Variants in SHCBP1 observed in about 807,000 individuals in gnomAD.
The protein encoded by SHCBP1 is SHC SH2 domain-binding protein 1.
Under a neutral mutation model 75.1 loss-of-function variants are expected in SHCBP1, and 60 were observed. The observed-to-expected ratio is 0.80, with a 90% CI of 0.65 to 0.99. SHCBP1 has a LOEUF of 0.99. SHCBP1 is among the 50% of genes least tolerant of loss of function. The pLI is 0.00. For missense variants in SHCBP1, 709 were observed against 809.4 expected, an observed-to-expected ratio of 0.88 and a Z score of 1.50; for synonymous variants, 290 against 293.2, an observed-to-expected ratio of 0.99 and a Z score of 0.11.
intron 10 of SHCBP1, among the ~76,000 whole-genome samples, chr16:46,594,997 A>T (rs1330408383): frequency 2.0e-5 from 3 of 152,244 alleles, no homozygotes; most frequent in Non-Finnish European, 4.4e-5. Context: ...CCAAAGAGCC[A>T]CATACTGTGT....
intron 5 of SHCBP1, among the ~76,000 whole-genome samples, chr16:46,607,708 G>T (rs1424925816): frequency 6.6e-6 from 1 of 152,092 alleles, no homozygotes; most frequent in Non-Finnish European, 1.5e-5. Context: ...AAAATTACTG[G>T]TCTTAAAGCA....
In SHCBP1 at chr16:46,599,890, G is replaced by A. The variant is rs771471109; in HGVS notation, c.1286C>T (p.Ala429Val). ...TTTTATGCCTGAGATTTTAATATCA[G>A]CACCAGTGCAGTCCACAAAAGTGTC... ...KGDTFVDCTG[A>V]DIKISGIKFV... Residue 429 changes from alanine (A) to valine (V), a missense_variant, in exon 9 of 13, where the codon GCT (alanine) becomes GTT (valine). By Grantham distance (64) the Ala-to-Val change is moderately conservative. Coordinates refer to ENST00000303383, the MANE Select transcript of SHCBP1 (RefSeq NM_024745.5). 1.9e-6 allele frequency: 3 copies of A among 1,613,044 alleles called. No homozygotes were observed. Among genetic ancestry groups the A allele is most frequent in the South Asian group, 2.2e-5 (2 of 90,858 alleles).
chr16:46,616,098 G>A lies in SHCBP1; in HGVS notation c.444C>T (p.Tyr148=), dbSNP rs753553515. 1.1e-5 allele frequency: 18 copies of A among 1,614,074 alleles called. No individual in the cohort carries two copies. In the East Asian group the frequency reaches 3.8e-4, roughly 34 times the overall value. ...AAGTGCTCACTTGAGAGTCACAGAG[G>A]TATGGTTCAGCAAGCCTCACCACTG... ...LKAVVRLAEP[Y]LCDSQVSTFT... The change falls in exon 4 of 13, where the codon TAC becomes TAT. Residue 148 remains tyrosine, a synonymous_variant. Transcript: ENST00000303383. This position sits in a 1 kb window ranked among gnomAD's most constrained non-coding sequence, Gnocchi z 4.4.
At position 46,599,823 on chromosome 16, in the gene SHCBP1, ATACT is replaced by A. The variant is rs776821022; in HGVS notation, c.1345+4_1345+7del. 7 of 1,596,046 alleles carry A rather than the reference ATACT, an allele frequency of 4.4e-6. No homozygotes were observed. The highest frequency in any genetic ancestry group is 6.0e-6 in the Non-Finnish European group (7 of 1,173,770). On this transcript the variant is annotated splice_donor_5th_base_variant and intron_variant, in intron 9 of 12. Coordinates refer to ENST00000303383, the MANE Select transcript of SHCBP1 (RefSeq NM_024745.5). ...AACAAATGATATACCAAACATTCAG[ATACT>A]TACTTAAGATTCCCTCTACAGCATC...
At chr16:46,603,429 A>T in intron 8 of SHCBP1, 110 bp downstream of exon 8, 2 of 1,486,996 alleles carry the variant, frequency 1.3e-6, no homozygotes, top group Non-Finnish European at 1.8e-6. Context: ...AGCTCACTAG[A>T]AATCAAATGG....
chr16:46,609,608 C>T (rs895974078), intron 4 of SHCBP1, among the ~76,000 whole-genome samples: 1 of 151,806 alleles, frequency 6.6e-6, no homozygotes, highest in Admixed American at 6.6e-5. Context: ...ACCGCCACCA[C>T]GCCTGGCTTA....
intron 10 of SHCBP1, chr16:46,584,327 A>G (rs1964921699): frequency 4.6e-6 from 1 of 219,330 alleles, no homozygotes; most frequent in East Asian, 7.8e-5. Flanking sequence ...ACACACACAC[A>G]CACGCTAAGA....
At position 46,584,034 on chromosome 16, in the gene SHCBP1, A is replaced by C. The variant is rs1474841592; in HGVS notation, c.1520T>G (p.Ile507Ser). ...GSQCTLSDNG[I>S]HHCKEGILIK... ...GAGGATCCCTTCCTTGCAGTGATGG[A>C]TCCCATTGTCACTCAGGGTGCACTG... Residue 507 changes from isoleucine (I) to serine (S), a missense_variant, in exon 11 of 13, where the codon ATC (isoleucine) becomes AGC (serine). Transcript: ENST00000303383. 1 of 1,607,628 alleles carries C rather than the reference A, an allele frequency of 6.2e-7. No homozygotes were observed. The highest frequency in any genetic ancestry group is 2.2e-5 in the East Asian group (1 of 44,850).
intron 5 of SHCBP1, among the ~76,000 whole-genome samples, chr16:46,607,965 G>T (rs1310981413): frequency 6.6e-6 from 1 of 152,186 alleles, no homozygotes; most frequent in Non-Finnish European, 1.5e-5. Flanking sequence ...TAACCCACTA[G>T]TTCAATGTTC....
chr16:46,613,055 G>A (rs1024965923), intron 4 of SHCBP1, among the ~76,000 whole-genome samples: 5 of 152,060 alleles, frequency 3.3e-5, no homozygotes, highest in African/African-American at 1.2e-4. Flanking sequence ...ATGAACCCCT[G>A]AAAACACAAA....
At chr16:46,612,635 C>G (rs1230928797) in intron 4 of SHCBP1, among the ~76,000 whole-genome samples, 1 of 152,106 alleles carries the variant, frequency 6.6e-6, no homozygotes, top group Non-Finnish European at 1.5e-5. Context: ...GCCGTTGTAC[C>G]TAAACTCTCA....
chr16:46,621,057 T>C (rs1199209370), intron 1 of SHCBP1, among the ~76,000 whole-genome samples, 200 bp downstream of exon 1: 3 of 152,142 alleles, frequency 2.0e-5, no homozygotes, highest in South Asian at 2.1e-4. Context: ...GAGATGCGGA[T>C]AGGGAAGAGA....
At chr16:46,618,463 A>G in intron 1 of SHCBP1, 91 bp from the exon 2 acceptor site, 1 of 1,345,176 alleles carries the variant, frequency 7.4e-7, no homozygotes, top group Non-Finnish European at 9.8e-7. Context: ...CAAACAAAAT[A>G]CAAACAAGAA....
At position 46,581,709 on chromosome 16, in the gene SHCBP1, A is replaced by G. The variant is rs754573344; in HGVS notation, c.*20T>C. ...CATGTGCAAAATCCAGTATTTTGCTATCTACTTACATCACTGTAGTCAGAA... is the reference window on the plus strand; with the variant it reads ...CATGTGCAAAATCCAGTATTTTGCTGTCTACTTACATCACTGTAGTCAGAA... On this transcript the variant is annotated 3_prime_UTR_variant, in exon 13 of 13. Coordinates refer to ENST00000303383, the MANE Select transcript of SHCBP1 (RefSeq NM_024745.5). 1.9e-6 allele frequency: 3 copies of G among 1,595,374 alleles called. No individual in the cohort carries two copies. The highest frequency in any genetic ancestry group is 1.7e-5 in the Admixed American group (1 of 58,884).
chr16:46,608,530 G>C, intron 4 of SHCBP1, 141 bp from the exon 5 acceptor site: 1 of 601,492 alleles, frequency 1.7e-6, no homozygotes, highest in African/African-American at 1.9e-5. Flanking sequence ...TGATAGTCAT[G>C]AGTCACACAA....
intron 10 of SHCBP1, among the ~76,000 whole-genome samples, chr16:46,585,703 C>A (rs1567441836): frequency 6.6e-6 from 1 of 152,184 alleles, no homozygotes; most frequent in Admixed American, 6.5e-5. Context: ...TGGACTTGTA[C>A]CCCCACCTGG....
chr16:46,615,916 A>G (rs755855381), intron 4 of SHCBP1, 30 bp downstream of exon 4: 1 of 1,609,964 alleles, frequency 6.2e-7, no homozygotes, highest in Non-Finnish European at 8.5e-7. Flanking sequence ...TTCTGGCCAC[A>G]AGGTTATTTT....
At chr16:46,592,208 A>G (rs141842094) in intron 10 of SHCBP1, among the ~76,000 whole-genome samples, 23 of 152,284 alleles carry the variant, frequency 1.5e-4, no homozygotes, top group African/African-American at 4.3e-4. Flanking sequence ...ACAATGAAAC[A>G]AAGAGTTGGT....
In SHCBP1 at chr16:46,621,256, C is replaced by A; in HGVS notation, c.103+1G>T. Reference sequence around the variant, plus strand: ...CCTCGGCCCCGGCATGGAGAGCTCACCTTTCTCCAGAGACGCCAGCTCCTG... The same window carrying A: ...CCTCGGCCCCGGCATGGAGAGCTCAACTTTCTCCAGAGACGCCAGCTCCTG... On this transcript the variant is annotated splice_donor_variant, in intron 1 of 12. Transcript: ENST00000303383. LOFTEE classifies it high-confidence loss of function. 6.2e-7 allele frequency: 1 copy of A among 1,607,106 alleles called. No individual in the cohort carries two copies. The highest frequency in any genetic ancestry group is 8.5e-7 in the Non-Finnish European group (1 of 1,177,602).
Sources: gnomAD v4.1 joint callset for allele counts (sites outside exome capture counted in the v4.1 genomes callset) on GRCh38, gnomAD v4.1.1 for gene constraint, Gnocchi (gnomAD v3.1) non-coding constraint, MANE v1.5 for transcripts, NCBI Gene and HGNC (gene_info 2026-07-23, HGNC 2026-07-21) for gene names.